FANCA: variants seen among roughly 807,000 people sequenced by gnomAD.
FANCA encodes the protein FA complementation group A.
A neutral mutation model predicts 194.3 loss-of-function variants in FANCA; 236 were observed. The ratio of observed to expected loss-of-function variants is 1.21; its 90% CI spans 1.09 to 1.35. The LOEUF is 1.35. Ranked by LOEUF, FANCA falls within the 40% of genes most tolerant of loss-of-function variation. FANCA has a pLI of 0.00. For synonymous variants in FANCA, 1,014 were observed against 715.8 expected, an observed-to-expected ratio of 1.42 and a Z score of -6.65; for missense variants, 2,628 against 1,813.9, an observed-to-expected ratio of 1.45 and a Z score of -8.15.
chr16:89,770,055 C>G (rs1463587132), intron 25 of FANCA, 31 bp from the exon 26 acceptor site: 1 of 1,606,866 alleles, frequency 6.2e-7, no homozygotes, highest in African/African-American at 1.3e-5. Flanking sequence ...GCAGAGCAGA[C>G]TGCCCTCTTC....
intron 28 of FANCA, chr16:89,762,781 T>C (rs567683112): frequency 3.5e-4 from 157 of 450,966 alleles, no homozygotes; most frequent in Admixed American, 6.7e-4. Context: ...CAGGTGCACA[T>C]CACCATGACC....
chr16:89,746,864 G>A lies in FANCA; in HGVS notation c.3375C>T (p.Ala1125=), dbSNP rs2038408872. Residue 1125 remains alanine (A), a synonymous_variant, in exon 34 of 43, where the codon GCC becomes GCT. Transcript: ENST00000389301. ...AGTGGGCAGTGATGTCCTGTGTCAG[G>A]GCACCTCCGTGGGAGCAGAAGTTTC... ...EMRNFCSHGG[A]LTQDITAHFF... is the part of the protein sequence containing the mutation. 1 of 1,561,516 alleles carries A rather than the reference G, an allele frequency of 6.4e-7. No individual in the cohort carries two copies. Among genetic ancestry groups the A allele is most frequent in the East Asian group, 2.4e-5 (1 of 41,666 alleles).
chr16:89,808,289 G>A lies in FANCA; in HGVS notation c.596+5C>T, dbSNP rs758345423. On this transcript the variant is annotated splice_donor_5th_base_variant and intron_variant, in intron 6 of 42. Coordinates refer to ENST00000389301, the MANE Select transcript of FANCA (RefSeq NM_000135.4). ...AGTAACACTGAATCATCATTAGCACGCTACCTTTCCAGCAGCTCTTGCAGG... is the reference window on the plus strand; with the variant it reads ...AGTAACACTGAATCATCATTAGCACACTACCTTTCCAGCAGCTCTTGCAGG... 1.5e-5 allele frequency: 25 copies of A among 1,613,320 alleles called. No homozygotes were observed. The East Asian group carries it at 2.5e-4, about 16-fold the overall frequency.
At chr16:89,785,643 G>A (rs997552857) in intron 14 of FANCA, among the ~76,000 whole-genome samples, 30 of 152,104 alleles carry the variant, frequency 2.0e-4, no homozygotes, top group African/African-American at 6.0e-4. Flanking sequence ...GGCCCTGAAC[G>A]CATCATAGTG....
At chr16:89,773,709 AGGGCTGGCGAGGGT>A (rs2039400866) in intron 21 of FANCA, among the ~76,000 whole-genome samples, 1 of 151,294 alleles carries the variant, frequency 6.6e-6, no homozygotes, top group African/African-American at 2.4e-5. Context: ...AGGAGGATCG[AGGGCTGGCGAGGGT>A]GGGGACAGGA....
At chr16:89,752,022 G>A (rs1189038364) in intron 31 of FANCA, 116 bp downstream of exon 31, 8 of 863,080 alleles carry the variant, frequency 9.3e-6, no homozygotes, top group African/African-American at 6.6e-5. Context: ...CGCCTGCCTC[G>A]GCCTCCCAAA....
chr16:89,760,319 T>C (rs1463746091), intron 29 of FANCA, among the ~76,000 whole-genome samples: 1 of 152,208 alleles, frequency 6.6e-6, no homozygotes, highest in African/African-American at 2.4e-5. Flanking sequence ...AGCAGCGAGT[T>C]TTCTTTTTGT....
At chr16:89,773,238 T>G in intron 22 of FANCA, 33 bp downstream of exon 22, 6 of 1,493,672 alleles carry the variant, frequency 4.0e-6, no homozygotes, top group African/African-American at 1.4e-5. Context: ...GCTGCACACA[T>G]GAGACACAGC....
intron 20 of FANCA, among the ~76,000 whole-genome samples, chr16:89,777,746 T>TA (rs933516054): frequency 6.6e-6 from 1 of 152,136 alleles, no homozygotes; most frequent in Non-Finnish European, 1.5e-5. Context: ...CTTATTATTC[T>TA]AAACAATAAC....
intron 17 of FANCA, among the ~76,000 whole-genome samples, chr16:89,780,699 C>T (rs990435849): frequency 3.3e-5 from 5 of 151,146 alleles, no homozygotes; most frequent in Admixed American, 6.6e-5. Flanking sequence ...GGGGCCAAGG[C>T]GGAAGGATCA....
chr16:89,774,754 A>AAAAAAAAAAAT (rs34932314), intron 21 of FANCA, among the ~76,000 whole-genome samples: 1 of 145,718 alleles, frequency 6.9e-6, no homozygotes. Flanking sequence ...AAAAAAAAAA[A>AAAAAAAAAAAT]TCTCAACGAG....
intron 7 of FANCA, among the ~76,000 whole-genome samples, chr16:89,804,579 C>T (rs1475384602): frequency 6.6e-6 from 1 of 152,146 alleles, no homozygotes; most frequent in Non-Finnish European, 1.5e-5. Context: ...CTCTGACAAG[C>T]CCAACTACTC....
chr16:89,795,712 T>C (rs1025579699), intron 11 of FANCA, among the ~76,000 whole-genome samples, 194 bp downstream of exon 11: 17 of 152,250 alleles, frequency 1.1e-4, no homozygotes, highest in Admixed American at 6.5e-4. Context: ...AATTTTCTTA[T>C]AAAAATCTGT....
At chr16:89,796,328 C>T (rs183100447) in intron 10 of FANCA, among the ~76,000 whole-genome samples, 149 of 152,212 alleles carry the variant, frequency 9.8e-4, no homozygotes, top group Admixed American at 1.8e-3. Context: ...AAGGGCAGGC[C>T]GCGCCGCACC....
At chr16:89,788,283 AG>A (rs2039961188) in intron 14 of FANCA, among the ~76,000 whole-genome samples, 1 of 152,048 alleles carries the variant, frequency 6.6e-6, no homozygotes, top group Non-Finnish European at 1.5e-5. Context: ...CAACATGGTG[AG>A]ACCCCATCTC....
Position 89,738,358 on chromosome 16 carries a change from G to A in FANCA, c.*243C>T. 2 of 1,462,638 alleles carry A rather than the reference G, an allele frequency of 1.4e-6. No individual in the cohort carries two copies. The highest frequency in any genetic ancestry group is 1.8e-6 in the Non-Finnish European group (2 of 1,098,710). The allele number at this position is 1,462,638 out of a possible 1,614,324, so 90.6% of individuals were successfully genotyped here. ...GGGTCGGAGGGTGCTGCCCGCCCTT[G>A]GTGCTGGAGGCGGGCTTGGTGTCCG... On this transcript the variant is annotated 3_prime_UTR_variant, in exon 43 of 43. Transcript: ENST00000389301.
chr16:89,748,699 G>T lies in FANCA; in HGVS notation c.3308C>A (p.Ala1103Asp). Reference protein sequence around the residue: ...SSFQAEQPITARCEQFFHLVN... With the variant: ...SSFQAEQPITDRCEQFFHLVN... Reference sequence around the variant, plus strand: ...CAAGTGGAAGAACTGCTCGCATCTGGCAGTGATGGGCTGTTCTGCCTGGAA... The same window carrying T: ...CAAGTGGAAGAACTGCTCGCATCTGTCAGTGATGGGCTGTTCTGCCTGGAA... Residue 1103 changes from alanine to aspartate, a missense_variant, in exon 33 of 43, where the codon GCC (alanine) becomes GAC (aspartate). Ala to Asp is a moderately radical substitution (Grantham distance 126). Coordinates refer to ENST00000389301, the MANE Select transcript of FANCA (RefSeq NM_000135.4). 6.2e-7 allele frequency: 1 copy of T among 1,614,106 alleles called. No individual in the cohort carries two copies. The highest frequency in any genetic ancestry group is 8.5e-7 in the Non-Finnish European group (1 of 1,180,016).
At chr16:89,813,386 C>G (rs549751506) in intron 3 of FANCA, among the ~76,000 whole-genome samples, 20 of 145,412 alleles carry the variant, frequency 1.4e-4, no homozygotes, top group South Asian at 8.9e-4. Context: ...CCAGTCCAGG[C>G]AACAGAGTGA....
intron 11 of FANCA, among the ~76,000 whole-genome samples, chr16:89,793,990 C>G (rs1330426427): frequency 6.6e-6 from 1 of 152,074 alleles, no homozygotes; most frequent in African/African-American, 2.4e-5. Flanking sequence ...GACCTCGTGA[C>G]CTGCCCGTCT....
Sources: gnomAD v4.1 joint callset for allele counts (sites outside exome capture counted in the v4.1 genomes callset) on GRCh38, gnomAD v4.1.1 for gene constraint, MANE v1.5 for transcripts, NCBI Gene and HGNC (gene_info 2026-07-23, HGNC 2026-07-21) for gene names.